The following GRID2 variants were observed in gnomAD, a reference collection of about 807,000 sequenced individuals.
The protein encoded by GRID2 is glutamate ionotropic receptor delta type subunit 2.
GRID2 carries 33 observed loss-of-function variants against 114.8 expected under a neutral mutation model. That is an observed-to-expected ratio of 0.29 (90% confidence interval 0.22 to 0.38). The LOEUF is 0.38. Ranked by LOEUF, GRID2 falls within the 10% of genes least tolerant of loss-of-function variation. GRID2 has a pLI of 1.00. For missense variants in GRID2, 1,184 were observed against 1,257.7 expected (o/e 0.94, Z 0.89); for synonymous variants, 505 against 449.9 (o/e 1.12, Z -1.55).
intron 7 of GRID2, among the ~76,000 whole-genome samples, chr4:93,226,753 C>G (rs1430695113): frequency 2.0e-5 from 3 of 152,178 alleles, no homozygotes; most frequent in African/African-American, 7.2e-5. Flanking sequence ...TACGGGCTCT[C>G]TGTGGTGGTT....
At position 93,502,476 on chromosome 4, in the gene GRID2, A is replaced by G. The variant is rs188360861; in HGVS notation, c.1997+11699A>G. Among the ~76,000 whole-genome samples, 715 of 152,142 alleles carry G rather than the reference A, an allele frequency of 4.7e-3. 4 individuals are homozygous for G. Among genetic ancestry groups the G allele is most frequent in the Non-Finnish European group, 8.1e-3 (554 of 67,982 alleles). On this transcript the variant is annotated intron_variant, in intron 12 of 15. Transcript: ENST00000282020. ...CTTAAGTTGAAAGGCAAATCTGAAAAAAAAAATCCTTTTTTGTCATATCTT... is the reference window on the plus strand; with the variant it reads ...CTTAAGTTGAAAGGCAAATCTGAAAGAAAAAATCCTTTTTTGTCATATCTT...
At chr4:92,491,507 A>G (rs996818970) in intron 1 of GRID2, among the ~76,000 whole-genome samples, 6 of 152,172 alleles carry the variant, frequency 3.9e-5, no homozygotes, top group African/African-American at 1.4e-4. Flanking sequence ...ACTGATATCT[A>G]GCTCAAAAAC....
At chr4:92,503,930 C>T (rs553844785) in intron 1 of GRID2, among the ~76,000 whole-genome samples, 1 of 151,914 alleles carries the variant, frequency 6.6e-6, no homozygotes, top group Admixed American at 6.6e-5. Context: ...AAACCTCTCT[C>T]CCCAATCTCA....
intron 1 of GRID2, among the ~76,000 whole-genome samples, chr4:92,411,554 T>C (rs569184097): frequency 2.6e-4 from 40 of 151,026 alleles, no homozygotes; most frequent in African/African-American, 9.5e-4. Flanking sequence ...TGTATTTTCA[T>C]ATGCTGTCTC....
intron 13 of GRID2, among the ~76,000 whole-genome samples, chr4:93,588,845 T>G (rs1737814907): frequency 6.6e-6 from 1 of 152,092 alleles, no homozygotes; most frequent in Non-Finnish European, 1.5e-5. Context: ...ATCAGAACAT[T>G]TGACAACACT....
chr4:93,645,425 T>G (rs1168016045), intron 14 of GRID2, among the ~76,000 whole-genome samples: 1 of 152,148 alleles, frequency 6.6e-6, no homozygotes, highest in African/African-American at 2.4e-5. Context: ...AGAGAGAGGC[T>G]GGAGCGATGG....
At chr4:93,482,975 A>G (rs984334508) in intron 11 of GRID2, among the ~76,000 whole-genome samples, 1 of 151,956 alleles carries the variant, frequency 6.6e-6, no homozygotes, top group East Asian at 1.9e-4. Context: ...TAAAACACTT[A>G]CAGATCTGGT....
chr4:92,866,397 A>G (rs986822853), intron 2 of GRID2, among the ~76,000 whole-genome samples: 4 of 152,152 alleles, frequency 2.6e-5, no homozygotes, highest in Admixed American at 6.5e-5. Flanking sequence ...TTCTATTCAG[A>G]GGTAAGTATT....
chr4:93,348,825 A>G (rs1309396967), intron 8 of GRID2, among the ~76,000 whole-genome samples: 2 of 152,238 alleles, frequency 1.3e-5, no homozygotes, highest in Non-Finnish European at 2.9e-5. Context: ...TTTATAAAGC[A>G]GTAAATATAG....
chr4:93,801,547 T>C (rs1561008853), intron 1 of GRID2, among the ~76,000 whole-genome samples: 1 of 152,174 alleles, frequency 6.6e-6, no homozygotes. Context: ...TTACTGATAT[T>C]GGGTATAAAA....
At chr4:93,291,814 T>C (rs1753788654) in intron 8 of GRID2, among the ~76,000 whole-genome samples, 1 of 152,186 alleles carries the variant, frequency 6.6e-6, no homozygotes, top group Non-Finnish European at 1.5e-5. Context: ...ATTGTATATA[T>C]TTATTATGTA....
chr4:93,016,369 C>T (rs1237258576), intron 2 of GRID2, among the ~76,000 whole-genome samples: 2 of 152,114 alleles, frequency 1.3e-5, no homozygotes, highest in African/African-American at 4.8e-5. Flanking sequence ...GCTTACAATG[C>T]ACTGTGCACT....
At chr4:93,239,478 G>A (rs1399778975) in intron 8 of GRID2, among the ~76,000 whole-genome samples, 2 of 151,244 alleles carry the variant, frequency 1.3e-5, no homozygotes, top group Non-Finnish European at 3.0e-5. Flanking sequence ...TCTTCAGTAG[G>A]TATTTTTAGT....
chr4:93,195,764 A>G (rs1741424906), intron 4 of GRID2, among the ~76,000 whole-genome samples: 1 of 152,260 alleles, frequency 6.6e-6, no homozygotes, highest in South Asian at 2.1e-4. Flanking sequence ...AAGGTAGAAC[A>G]GTGAATTCTA....
intron 2 of GRID2, among the ~76,000 whole-genome samples, chr4:92,686,399 T>C (rs926468200): frequency 6.6e-6 from 1 of 152,124 alleles, no homozygotes; most frequent in Non-Finnish European, 1.5e-5. Context: ...TAAATATCCT[T>C]GCTTAGTAGA....
intron 2 of GRID2, among the ~76,000 whole-genome samples, chr4:92,820,246 A>G (rs980932410): frequency 4.6e-5 from 7 of 152,240 alleles, no homozygotes; most frequent in Admixed American, 3.9e-4. Context: ...TATGACACAC[A>G]TACTTATTTG....
At chr4:93,121,362 T>C (rs1426726596) in intron 4 of GRID2, among the ~76,000 whole-genome samples, 1 of 152,194 alleles carries the variant, frequency 6.6e-6, no homozygotes, top group African/African-American at 2.4e-5. Context: ...TCCTGACTTT[T>C]AACACTATTC....
rs148810267 is a variant in GRID2, at chr4:93,608,096, A to G, written c.2194-18173A>G. ...TATATATGCATATATATACACATAT[A>G]TGTATATATACACACACACATATAT... On this transcript the variant is annotated intron_variant, in intron 13 of 15. Coordinates refer to ENST00000282020, the MANE Select transcript of GRID2 (RefSeq NM_001510.4). Among the ~76,000 whole-genome samples the G allele has an allele frequency of 1.8e-3, 254 of 138,450 alleles. 1 individual carries two copies. The highest frequency in any genetic ancestry group is 3.0e-3 in the Non-Finnish European group (191 of 62,730). The allele number at this position is 138,450 out of a possible 152,430, so 90.8% of individuals were successfully genotyped here.
At chr4:92,561,745 C>A (rs534635821) in intron 1 of GRID2, among the ~76,000 whole-genome samples, 1 of 152,008 alleles carries the variant, frequency 6.6e-6, no homozygotes, top group Non-Finnish European at 1.5e-5. Context: ...TTTGAATGCC[C>A]GATGTCATTA....
Sources: gnomAD v4.1 joint callset for allele counts (sites outside exome capture counted in the v4.1 genomes callset) on GRCh38, gnomAD v4.1.1 for gene constraint, MANE v1.5 for transcripts, NCBI Gene and HGNC (gene_info 2026-07-23, HGNC 2026-07-21) for gene names.